Variants in FLYWCH1 observed in about 807,000 individuals in gnomAD.
FLYWCH1 encodes FLYWCH-type zinc finger-containing protein 1.
In FLYWCH1, 75 loss-of-function variants were observed where a neutral mutation model predicts 66.4. That is an observed-to-expected ratio of 1.13 (90% CI 0.94 to 1.37). The LOEUF (loss-of-function observed/expected upper bound fraction) is 1.37. FLYWCH1 is among the 40% of genes most tolerant of loss of function. FLYWCH1 has a pLI of 0.00. For synonymous variants in FLYWCH1, 595 were observed against 429.9 expected (o/e 1.38, Z -4.75); for missense variants, 1,334 against 1,001.8 (o/e 1.33, Z -4.48).
chr16:2,945,790 G>A (rs1175489752), intron 9 of FLYWCH1, among the ~76,000 whole-genome samples: 2 of 152,156 alleles, frequency 1.3e-5, no homozygotes, highest in South Asian at 2.1e-4. Flanking sequence ...GAGATCAGGA[G>A]ATCAAGACCA....
rs1361071411 is a variant in FLYWCH1 at position 2,929,504 on chromosome 16, G to A, written c.-73-109G>A. On this transcript the variant is annotated intron_variant, in intron 2 of 9. Transcript: ENST00000253928. ...TCCATCAGGCCCCCGGCCAGTCTTG[G>A]CCCCAGCGAGCAGTGAGGCAGCCCC... The A allele has an allele frequency of 1.2e-5, 9 of 757,866 alleles. 1 individual carries two copies. The highest frequency in any genetic ancestry group is 8.8e-5 in the African/African-American group (5 of 56,812). The allele number at this position is 757,866 out of a possible 1,614,324, so 46.9% of individuals were successfully genotyped here.
At position 2,938,452 on chromosome 16, in the gene FLYWCH1, C is replaced by G; in HGVS notation, c.2046C>G (p.Asp682Glu). 2.6e-6 allele frequency: 4 copies of G among 1,522,340 alleles called. No homozygotes were observed. The highest frequency in any genetic ancestry group is 3.5e-6 in the Non-Finnish European group (4 of 1,136,616). 94.3% of individuals were successfully genotyped at this position (1,522,340 alleles called of 1,614,324 possible). A position where few individuals can be genotyped will look rare whatever the true frequency, so the allele number is the denominator to read the frequency against. ...ERLPTTAQQE[D>E]PEKIQVQLCF... ...TCCCCACCACGGCCCAGCAGGAGGA[C>G]CCAGGTACAGGCAGGCTGTGGGGCA... The change falls in exon 8 of 10, where the codon GAC becomes GAG. Residue 682 changes from aspartate to glutamate, a missense_variant. By Grantham distance (45) the Asp-to-Glu change is conservative. Coordinates refer to ENST00000253928, the MANE Select transcript of FLYWCH1 (RefSeq NM_001308068.2).
intron 2 of FLYWCH1, chr16:2,915,066 AATGAG>A (rs1271303033): frequency 1.3e-5 from 2 of 151,484 alleles, no homozygotes; most frequent in Non-Finnish European, 2.9e-5. Context: ...ATTTTTATTA[AATGAG>A]ATATTTATTG....
chr16:2,912,033 T>A lies in FLYWCH1; in HGVS notation c.-309T>A, dbSNP rs2070002378. On this transcript the variant is annotated 5_prime_UTR_variant, in exon 1 of 10. Transcript: ENST00000253928. Reference sequence around the variant, plus strand: ...GGGGCAGGTCGGGGCTGGGAGCTGGTGCCCGGGTCGGGGTGGCGGCGGCGG... The same window carrying A: ...GGGGCAGGTCGGGGCTGGGAGCTGGAGCCCGGGTCGGGGTGGCGGCGGCGG... 1 of 152,452 alleles carries A rather than the reference T, an allele frequency of 6.6e-6. No individual in the cohort carries two copies. Among genetic ancestry groups the A allele is most frequent in the Non-Finnish European group, 1.5e-5 (1 of 68,246 alleles). The allele number at this position is 152,452 out of a possible 1,614,324, so 9.4% of individuals were successfully genotyped here.
chr16:2,946,187 G>C (rs1176927084), intron 9 of FLYWCH1, among the ~76,000 whole-genome samples: 1 of 151,976 alleles, frequency 6.6e-6, no homozygotes, highest in Non-Finnish European at 1.5e-5. Context: ...CCTGAGTGTT[G>C]AGTGTTGTAT....
chr16:2,948,247 G>C (rs977692673), intron 9 of FLYWCH1, among the ~76,000 whole-genome samples: 2 of 151,988 alleles, frequency 1.3e-5, no homozygotes, highest in Non-Finnish European at 2.9e-5. Context: ...GAATTGATAC[G>C]GATGGATGGA....
At chr16:2,923,071 A>T in intron 2 of FLYWCH1, 2 of 407,404 alleles carry the variant, frequency 4.9e-6, no homozygotes, top group Non-Finnish European at 9.4e-6. Context: ...GTGCGGATCT[A>T]TTTTTTTTAT....
chr16:2,917,627 C>T (rs979890251), intron 2 of FLYWCH1, among the ~76,000 whole-genome samples: 2 of 152,112 alleles, frequency 1.3e-5, no homozygotes, highest in Non-Finnish European at 2.9e-5. Flanking sequence ...TAGTGCCCAG[C>T]ACAAAGCAAA....
rs768243553 is a variant in FLYWCH1, at chr16:2,938,177, C to T, written c.1778-7C>T. 12 of 1,610,492 alleles carry T rather than the reference C, an allele frequency of 7.5e-6. No homozygotes were observed. The highest frequency in any genetic ancestry group is 1.7e-5 in the Admixed American group (1 of 59,766). On this transcript the variant is annotated splice_polypyrimidine_tract_variant and splice_region_variant and intron_variant, in intron 7 of 9. Transcript: ENST00000253928. ...GGCCCCACTCACAGTGTCACTTTCC[C>T]TTTCAGATCCTCTCCGGCCCCTGGA...
rs775834806 is a variant in FLYWCH1 at position 2,933,949 on chromosome 16, C to T, written c.1483C>T (p.Arg495Cys). The T allele has an allele frequency of 6.9e-5, 107 of 1,556,678 alleles. No individual in the cohort carries two copies. The highest frequency in any genetic ancestry group is 4.1e-4 in the African/African-American group (30 of 73,490). The change falls in exon 6 of 10, where the codon CGC (arginine) becomes TGC (cysteine). Residue 495 changes from arginine to cysteine, a missense_variant. Transcript: ENST00000253928. ...GGAGGCCCTGAGGCAGCGGGAGAAA[C>T]GCCCCAACACGGCGCAGCGGGGGAG... ...GLEALRQREK[R>C]PNTAQRGSPG...
Position 2,937,391 on chromosome 16 carries a change from G to A in FLYWCH1, c.1777+7G>A, listed in dbSNP as rs751654239. On this transcript the variant is annotated splice_region_variant and intron_variant, in intron 7 of 9. Coordinates refer to ENST00000253928, the MANE Select transcript of FLYWCH1 (RefSeq NM_001308068.2). ...GCGCAGTGGGACAGCCCAGGTGCGTGTGGAGGGTGCTGGGCTGGGTCTGCC... is the reference window on the plus strand; with the variant it reads ...GCGCAGTGGGACAGCCCAGGTGCGTATGGAGGGTGCTGGGCTGGGTCTGCC... The A allele has an allele frequency of 6.5e-7, 1 of 1,541,122 alleles. No homozygotes were observed. The highest frequency in any genetic ancestry group is 8.7e-7 in the Non-Finnish European group (1 of 1,146,250).
intron 8 of FLYWCH1, 89 bp downstream of exon 8, chr16:2,938,545 G>A: frequency 1.6e-6 from 2 of 1,267,496 alleles, no homozygotes; most frequent in South Asian, 1.8e-5. Flanking sequence ...GGCACCCACT[G>A]AGCAGACTGC....
At position 2,938,378 on chromosome 16, in the gene FLYWCH1, C is replaced by T; in HGVS notation, c.1972C>T (p.His658Tyr). Reference protein sequence around the residue: ...HRIMVMRSHCHQPDLAGLEAL... With the variant: ...HRIMVMRSHCYQPDLAGLEAL... ...CATCATGGTCATGCGCAGCCACTGC[C>T]ATCAGCCTGACCTGGCAGGCCTGGA... Residue 658 changes from histidine (H) to tyrosine (Y), a missense_variant, in exon 8 of 10, where the codon CAT (histidine) becomes TAT (tyrosine). By Grantham distance (83) the His-to-Tyr change is moderately conservative. Transcript: ENST00000253928. The T allele has an allele frequency of 1.3e-6, 2 of 1,578,264 alleles. No individual in the cohort carries two copies. Among genetic ancestry groups the T allele is most frequent in the Non-Finnish European group, 1.7e-6 (2 of 1,160,604 alleles).
chr16:2,948,089 C>T (rs79617896), intron 9 of FLYWCH1, among the ~76,000 whole-genome samples: 3 of 151,934 alleles, frequency 2.0e-5, no homozygotes, highest in Non-Finnish European at 2.9e-5. Flanking sequence ...TGATGAAGAA[C>T]CTTGAGGCTT....
chr16:2,925,585 G>T (rs932538477), intron 2 of FLYWCH1, among the ~76,000 whole-genome samples: 3 of 140,342 alleles, frequency 2.1e-5, no homozygotes, highest in Non-Finnish European at 3.2e-5. Context: ...GGGGGGAGGG[G>T]GGTACGGGGC....
chr16:2,933,676 C>T (rs761408539), intron 5 of FLYWCH1, 40 bp from the exon 6 acceptor site: 1 of 1,592,290 alleles, frequency 6.3e-7, no homozygotes, highest in Non-Finnish European at 8.6e-7. Flanking sequence ...GCCTACCCAG[C>T]CCCTGTCCCC....
rs1339852219 is a variant in FLYWCH1 at position 2,950,258 on chromosome 16, C to T, written c.*1531C>T. ...TGCGCTTTGGGCACTGTTCTCGGCC[C>T]TGAAGCATCCTGCCCCGAGGCTGAC... On this transcript the variant is annotated 3_prime_UTR_variant, in exon 10 of 10. Transcript: ENST00000253928. The T allele has an allele frequency of 2.0e-5, 3 of 152,520 alleles. No individual in the cohort carries two copies. Among genetic ancestry groups the T allele is most frequent in the Non-Finnish European group, 1.5e-5 (1 of 68,272 alleles). The allele number at this position is 152,520 out of a possible 1,614,324, so 9.4% of individuals were successfully genotyped here.
chr16:2,936,240 G>A (rs1392497864), intron 6 of FLYWCH1: 8 of 360,466 alleles, frequency 2.2e-5, no homozygotes, highest in Non-Finnish European at 3.9e-5. Context: ...CCGTGTGGAA[G>A]GGGATAAAGC....
intron 9 of FLYWCH1, among the ~76,000 whole-genome samples, chr16:2,947,265 G>T (rs540610053): frequency 2.6e-5 from 4 of 152,318 alleles, no homozygotes; most frequent in Admixed American, 2.0e-4. Flanking sequence ...GAAATGCCCA[G>T]AATAGGCACA....
Sources: allele counts gnomAD v4.1 joint callset (sites outside exome capture counted in the v4.1 genomes callset), GRCh38; gene constraint gnomAD v4.1.1; transcripts MANE v1.5; gene names NCBI Gene and HGNC (gene_info 2026-07-23, HGNC 2026-07-21).